Variants in DNAH9 observed in about 807,000 individuals in gnomAD.
DNAH9 encodes the protein DNAH9 variant protein.
A neutral mutation model predicts 471.6 loss-of-function variants in DNAH9; 345 were observed. The observed-to-expected ratio is 0.73, with a 90% CI of 0.67 to 0.80. DNAH9 has a LOEUF of 0.80. Among genes scored for constraint, DNAH9 ranks in the 30% least tolerant of loss-of-function variants. The pLI, the probability that DNAH9 is intolerant of heterozygous loss-of-function variation, is 0.00. For missense variants in DNAH9, 5,407 were observed against 5,609.2 expected, an observed-to-expected ratio of 0.96 and a Z score of 1.15; for synonymous variants, 2,093 against 2,123.6, an observed-to-expected ratio of 0.99 and a Z score of 0.40.
rs996503131 is a variant in DNAH9, at chr17:11,669,928, A to G, written c.3353+134A>G. The G allele has an allele frequency of 1.3e-5, 10 of 772,470 alleles. No homozygotes were observed. In the African/African-American group the frequency reaches 1.4e-4, roughly 11 times the overall value. 47.9% of individuals were successfully genotyped at this position (772,470 alleles called of 1,614,324 possible). A position where few individuals can be genotyped will look rare whatever the true frequency, so the allele number is the denominator to read the frequency against. ...ATTAAGACAGCTGGTTAGAGGTTCT[A>G]GGCTTTTGGACACCATGGTAACTTA... is the stretch of plus-strand genomic sequence containing the variant. On this transcript the variant is annotated intron_variant, in intron 17 of 68. Coordinates refer to ENST00000262442, the MANE Select transcript of DNAH9 (RefSeq NM_001372.4).
chr17:11,863,467 T>G (rs1745395292), intron 50 of DNAH9, among the ~76,000 whole-genome samples: 1 of 152,186 alleles, frequency 6.6e-6, no homozygotes, highest in Non-Finnish European at 1.5e-5. Flanking sequence ...ATCAAGGATA[T>G]TGGTCTAAAA....
intron 68 of DNAH9, among the ~76,000 whole-genome samples, chr17:11,967,703 A>C (rs1215722882): frequency 2.0e-5 from 3 of 152,214 alleles, no homozygotes; most frequent in Non-Finnish European, 4.4e-5. Flanking sequence ...TTTCCACAAA[A>C]GACACGTTTT....
Position 11,598,909 on chromosome 17 carries a change from C to A in DNAH9, c.411C>A (p.Phe137Leu), listed in dbSNP as rs1387088180. 3 of 1,527,454 alleles carry A rather than the reference C, an allele frequency of 2.0e-6. No homozygotes were observed. The highest frequency in any genetic ancestry group is 3.8e-5 in the Admixed American group (2 of 52,142). The allele number at this position is 1,527,454 out of a possible 1,614,324, so 94.6% of individuals were successfully genotyped here. The change falls in exon 1 of 69, where the codon TTC becomes TTA. Residue 137 changes from phenylalanine to leucine, a missense_variant. By Grantham distance (22) the Phe-to-Leu change is conservative. Around this residue, in one of 3 missense-constraint regions of DNAH9, gnomAD observed 767 missense variants for 692.5 expected, o/e 1.11. Transcript: ENST00000262442. ...CTCTGGAGCACCTAGCCGCGCTGTT[C>A]TCGGAGGTGAGGGTGGGTTAGTGTC... is the stretch of plus-strand genomic sequence containing the variant. ...AAPLEHLAAL[F>L]SEVVLPVLAN...
At chr17:11,688,872 T>A (rs545936820) in intron 19 of DNAH9, among the ~76,000 whole-genome samples, 1 of 151,696 alleles carries the variant, frequency 6.6e-6, no homozygotes, top group Non-Finnish European at 1.5e-5. Context: ...CCAAGGCGGG[T>A]GGATCACGAG....
intron 15 of DNAH9, among the ~76,000 whole-genome samples, chr17:11,667,338 A>C (rs899516063): frequency 1.3e-5 from 2 of 152,184 alleles, no homozygotes; most frequent in African/African-American, 4.8e-5. Flanking sequence ...AACTTATAGT[A>C]GTATAATTAC....
intron 53 of DNAH9, among the ~76,000 whole-genome samples, chr17:11,879,541 T>G (rs1019130732): frequency 2.6e-5 from 4 of 152,164 alleles, no homozygotes; most frequent in Non-Finnish European, 4.4e-5. Context: ...AAATTGACTT[T>G]AAGAAAATCA....
At chr17:11,770,927 T>A (rs367753421) in intron 38 of DNAH9, among the ~76,000 whole-genome samples, 1 of 152,158 alleles carries the variant, frequency 6.6e-6, no homozygotes, top group South Asian at 2.1e-4. Context: ...AAGCTACCAA[T>A]GCAATGTCAG....
chr17:11,742,380 G>C (rs1185734580), intron 30 of DNAH9, 67 bp downstream of exon 30: 2 of 1,517,276 alleles, frequency 1.3e-6, no homozygotes, highest in Non-Finnish European at 9.0e-7. Flanking sequence ...AAAAGTTCTG[G>C]AACAAATGTA....
chr17:11,856,270 A>G (rs193134743), intron 50 of DNAH9, among the ~76,000 whole-genome samples: 73 of 152,336 alleles, frequency 4.8e-4, no homozygotes, highest in African/African-American at 1.6e-3. Context: ...GATGATAAGG[A>G]GGATTTTACA....
intron 41 of DNAH9, among the ~76,000 whole-genome samples, chr17:11,791,163 T>C (rs938832554): frequency 6.6e-6 from 1 of 152,324 alleles, no homozygotes; most frequent in Middle Eastern, 3.4e-3. Flanking sequence ...CAATTTTAAC[T>C]TGACCAAAAA....
In DNAH9 at chr17:11,768,585, C is replaced by A. The variant is rs776078768; in HGVS notation, c.7303C>A (p.Leu2435Ile). Reference protein sequence around the residue: ...ETKKFEPWSKLVPQFEFDPEM... With the variant: ...ETKKFEPWSKIVPQFEFDPEM... Reference sequence around the variant, plus strand: ...CAAGAAATTCGAGCCTTGGTCCAAGCTCGTCCCCCAGTTCGAATTTGACCC... The same window carrying A: ...CAAGAAATTCGAGCCTTGGTCCAAGATCGTCCCCCAGTTCGAATTTGACCC... Residue 2435 changes from leucine (L) to isoleucine (I), a missense_variant, in exon 37 of 69, where the codon CTC (leucine) becomes ATC (isoleucine). Leu to Ile is a conservative substitution (Grantham distance 5). This residue lies in a region of DNAH9 where 4,636 missense variants were observed against 4,900.3 expected (regional missense o/e 0.95). Coordinates refer to ENST00000262442, the MANE Select transcript of DNAH9 (RefSeq NM_001372.4). 1 of 1,614,190 alleles carries A rather than the reference C, an allele frequency of 6.2e-7. No homozygotes were observed. The highest frequency in any genetic ancestry group is 8.5e-7 in the Non-Finnish European group (1 of 1,180,034).
intron 43 of DNAH9, among the ~76,000 whole-genome samples, chr17:11,798,188 C>T (rs1485905454): frequency 6.6e-6 from 1 of 151,954 alleles, no homozygotes; most frequent in Non-Finnish European, 1.5e-5. Context: ...AATCCCAGCA[C>T]TTTGGAGGCC....
intron 61 of DNAH9, 24 bp downstream of exon 61, chr17:11,905,833 C>G (rs1281586415): frequency 6.3e-7 from 1 of 1,587,676 alleles, no homozygotes; most frequent in African/African-American, 1.4e-5. Flanking sequence ...CCTCTTGGAG[C>G]CAGGGCTGCA....
chr17:11,617,494 G>T lies in DNAH9; in HGVS notation c.988G>T (p.Glu330Ter). ...AGCTCTGGAGAATGCAGAATTTCCG[G>T]AGGTGAAGCCCCAGCTGCGGCCCCT... ...LEALENAEFP[E>*]VKPQLRPLLH... Residue 330 changes from glutamate to a stop codon, truncating the protein, a stop_gained, in exon 5 of 69, where the codon GAG becomes TAG. Transcript: ENST00000262442. LOFTEE classifies it high-confidence loss of function. 1 of 1,614,162 alleles carries T rather than the reference G, an allele frequency of 6.2e-7. No individual in the cohort carries two copies. The highest frequency in any genetic ancestry group is 1.1e-5 in the South Asian group (1 of 91,082).
intron 38 of DNAH9, among the ~76,000 whole-genome samples, chr17:11,778,329 C>CAAAGAAAAAAAAAA (rs1567795708): frequency 2.1e-5 from 1 of 48,638 alleles, no homozygotes. Flanking sequence ...GACTCCATCT[C>CAAAGAAAAAAAAAA]AAAAAAAAAA....
At chr17:11,811,113 G>A (rs1969882773) in intron 45 of DNAH9, among the ~76,000 whole-genome samples, 2 of 152,200 alleles carry the variant, frequency 1.3e-5, no homozygotes, top group Non-Finnish European at 2.9e-5. Flanking sequence ...AGTAGTTCAA[G>A]ACTAGCCTGG....
At position 11,922,900 on chromosome 17, in the gene DNAH9, T is replaced by C. The variant is rs183621071; in HGVS notation, c.11750-914T>C. Among the ~76,000 whole-genome samples the C allele has an allele frequency of 5.9e-5, 9 of 152,280 alleles. No homozygotes were observed. The East Asian group carries it at 1.7e-3, about 29-fold the overall frequency. ...CCACACCCATATGCTTGCTACTCTC[T>C]CACCCTTCTCTCATCAGCACTCCCT... On this transcript the variant is annotated intron_variant, in intron 61 of 68. Transcript: ENST00000262442.
rs9904460 is a variant in DNAH9 at position 11,967,909 on chromosome 17, C to G, written c.13234-1391C>G. On this transcript the variant is annotated intron_variant, in intron 68 of 68. Coordinates refer to ENST00000262442, the MANE Select transcript of DNAH9 (RefSeq NM_001372.4). ...GGACATTTTATGAGAATAAAAAGAT[C>G]AACCCATCAAGAAGATACAATTGTA... is the stretch of plus-strand genomic sequence containing the variant. Among the ~76,000 whole-genome samples the G allele has an allele frequency of 2.1e-3, 320 of 152,154 alleles. 2 individuals carry two copies. Among genetic ancestry groups the G allele is most frequent in the African/African-American group, 7.2e-3 (297 of 41,532 alleles).
intron 26 of DNAH9, among the ~76,000 whole-genome samples, chr17:11,711,710 T>G (rs2074830267): frequency 6.6e-6 from 1 of 151,340 alleles, no homozygotes; most frequent in African/African-American, 2.4e-5. Flanking sequence ...TCAACTTCAT[T>G]TGGAAGAAAC....
Sources: allele counts gnomAD v4.1 joint callset (sites outside exome capture counted in the v4.1 genomes callset), GRCh38; gene constraint gnomAD v4.1.1; regional missense constraint gnomAD v4.1.1; transcripts MANE v1.5; gene names NCBI Gene and HGNC (gene_info 2026-07-23, HGNC 2026-07-21).